The following ANOS1 variants were observed in gnomAD, a reference collection of about 807,000 sequenced individuals.
ANOS1 encodes anosmin 1.
In ANOS1, 6 loss-of-function variants were observed where a neutral mutation model predicts 59.0. The observed-to-expected ratio is 0.10, with a 90% CI of 0.06 to 0.20. ANOS1 has a LOEUF of 0.20. ANOS1 is among the 10% of genes least tolerant of loss of function. The pLI is 1.00. For missense variants in ANOS1, 433 were observed against 542.3 expected (o/e 0.80, Z 2.00); for synonymous variants, 217 against 223.4 (o/e 0.97, Z 0.25).
intron 2 of ANOS1, among the ~76,000 whole-genome samples, chrX:8,638,546 A>C (rs1931608826): frequency 8.9e-6 from 1 of 111,987 alleles, no homozygotes; most frequent in African/African-American, 3.2e-5. Flanking sequence ...AAGCCGTGAG[A>C]CAAAGGCGTA....
intron 9 of ANOS1, among the ~76,000 whole-genome samples, chrX:8,550,955 G>C (rs1929846581): frequency 9.0e-6 from 1 of 111,393 alleles, no homozygotes; most frequent in African/African-American, 3.3e-5. Context: ...TGAATCATGG[G>C]GACGAGGTTT....
intron 8 of ANOS1, chrX:8,566,356 T>A (rs892318261): frequency 4.5e-6 from 2 of 447,520 alleles, no homozygotes; most frequent in East Asian, 3.8e-4. Context: ...TGTGTGTGTG[T>A]GTATGAGTAT....
At chrX:8,693,720 G>C (rs950093322) in intron 2 of ANOS1, among the ~76,000 whole-genome samples, 2 of 104,382 alleles carry the variant, frequency 1.9e-5, no homozygotes, top group Non-Finnish European at 3.9e-5. Flanking sequence ...GACTCATAAG[G>C]AATATTGCAT....
intron 4 of ANOS1, among the ~76,000 whole-genome samples, 190 bp from the exon 5 acceptor site, chrX:8,588,168 T>C (rs779506488): frequency 8.9e-6 from 1 of 111,805 alleles, no homozygotes; most frequent in African/African-American, 3.2e-5. Context: ...TATTTGCTCC[T>C]TTTTCTTTTA....
At chrX:8,707,494 C>T (rs1215587224) in intron 1 of ANOS1, among the ~76,000 whole-genome samples, 2 of 110,669 alleles carry the variant, frequency 1.8e-5, no homozygotes, top group Non-Finnish European at 3.8e-5. Context: ...ATCAAATATA[C>T]GTTATTTAAT....
chrX:8,715,507 G>A (rs1418919561), intron 1 of ANOS1, among the ~76,000 whole-genome samples: 2 of 103,548 alleles, frequency 1.9e-5, no homozygotes, highest in Non-Finnish European at 3.9e-5. Context: ...TCAAATTCCC[G>A]AACTCAAGTG....
chrX:8,640,621 C>T (rs1163288313), intron 2 of ANOS1, among the ~76,000 whole-genome samples: 9 of 105,876 alleles, frequency 8.5e-5, no homozygotes, highest in African/African-American at 2.8e-4. Context: ...TTGGAAAGGT[C>T]GCATTTCTTG....
chrX:8,615,584 CTA>C (rs1931159618), intron 3 of ANOS1, among the ~76,000 whole-genome samples: 1 of 109,388 alleles, frequency 9.1e-6, no homozygotes, highest in Non-Finnish European at 1.9e-5. Flanking sequence ...AGAAAATTGT[CTA>C]TGTGTCAGTC....
At chrX:8,624,018 T>C (rs987922212) in intron 2 of ANOS1, among the ~76,000 whole-genome samples, 3 of 99,027 alleles carry the variant, frequency 3.0e-5, no homozygotes, top group African/African-American at 1.1e-4. Flanking sequence ...TTTCTTTTTT[T>C]TTTTTTTTTT....
Position 8,536,831 on chromosome X carries a change from G to T in ANOS1, c.1561C>A (p.Pro521Thr), listed in dbSNP as rs759514325. ...SKAEAVFFTTPPCSALKGKSH... is the reference protein window; with the variant it reads ...SKAEAVFFTTTPCSALKGKSH... ...TTCCCCTTAAGAGCAGAGCATGGTG[G>T]AGTAGTGAAGAAAACAGCTTCTGCC... Residue 521 changes from proline to threonine, a missense_variant, in exon 11 of 14, where the codon CCA (proline) becomes ACA (threonine). By Grantham distance (38) the Pro-to-Thr change is conservative (BLOSUM62 -1). Coordinates refer to ENST00000262648, the MANE Select transcript of ANOS1 (RefSeq NM_000216.4). The T allele has an allele frequency of 8.3e-7, 1 of 1,209,014 alleles. No individual in the cohort carries two copies. Among genetic ancestry groups the T allele is most frequent in the Non-Finnish European group, 1.1e-6 (1 of 893,490 alleles).
intron 2 of ANOS1, among the ~76,000 whole-genome samples, chrX:8,668,768 G>A (rs1461657484): frequency 3.6e-5 from 4 of 109,854 alleles, no homozygotes; most frequent in Non-Finnish European, 5.7e-5. Context: ...GGTGCAGGGT[G>A]CCAGCTTCCA....
intron 3 of ANOS1, among the ~76,000 whole-genome samples, chrX:8,619,334 G>GCT (rs1569065151): frequency 9.0e-6 from 1 of 111,579 alleles, no homozygotes; most frequent in Non-Finnish European, 1.9e-5. Flanking sequence ...GGCCGGGCAA[G>GCT]GTGGCTCACG....
At chrX:8,616,487 C>T (rs912202830) in intron 3 of ANOS1, among the ~76,000 whole-genome samples, 8 of 111,426 alleles carry the variant, frequency 7.2e-5, no homozygotes, top group African/African-American at 2.6e-4. Flanking sequence ...CAGCCTAGAA[C>T]TCTCACCTAA....
intron 2 of ANOS1, among the ~76,000 whole-genome samples, chrX:8,664,608 C>A (rs1218327472): frequency 7.2e-5 from 8 of 111,112 alleles, no homozygotes; most frequent in Non-Finnish European, 5.7e-5. Flanking sequence ...CACACACACC[C>A]CTTTACCCTT....
chrX:8,722,699 T>C (rs182606995), intron 1 of ANOS1, among the ~76,000 whole-genome samples: 12 of 112,111 alleles, frequency 1.1e-4, no homozygotes, highest in Admixed American at 8.5e-4. Context: ...TCTTTTTTCA[T>C]ATAATGACTT....
intron 1 of ANOS1, among the ~76,000 whole-genome samples, chrX:8,708,955 C>G (rs1455945152): frequency 8.1e-5 from 9 of 111,198 alleles, no homozygotes; most frequent in Non-Finnish European, 1.3e-4. Context: ...GAGTTCATGT[C>G]CTCTGCAGGG....
At chrX:8,676,491 T>C (rs1932339438) in intron 2 of ANOS1, among the ~76,000 whole-genome samples, 2 of 111,599 alleles carry the variant, frequency 1.8e-5, no homozygotes, top group Admixed American at 1.9e-4. Context: ...ATAAGTCCTG[T>C]TGAAGTGTGA....
chrX:8,569,591 G>C (rs773631450), intron 7 of ANOS1, among the ~76,000 whole-genome samples: 1 of 111,869 alleles, frequency 8.9e-6, no homozygotes, highest in Non-Finnish European at 1.9e-5. Context: ...GCAGTGAGCC[G>C]AGATTGCTCC....
intron 2 of ANOS1, among the ~76,000 whole-genome samples, chrX:8,640,694 C>T (rs1445381652): frequency 6.5e-5 from 7 of 108,155 alleles, no homozygotes; most frequent in African/African-American, 2.4e-4. Context: ...AATACAGAAA[C>T]CCTGTTGCTA....
Sources: allele counts gnomAD v4.1 joint callset (sites outside exome capture counted in the v4.1 genomes callset), GRCh38; gene constraint gnomAD v4.1.1; transcripts MANE v1.5; gene names NCBI Gene and HGNC (gene_info 2026-07-23, HGNC 2026-07-21).